Variants in ADAMTSL1 observed in about 807,000 individuals in gnomAD.
ADAMTSL1 encodes the protein ADAMTS like 1, also known as ADAMTS-like protein 1.
A neutral mutation model predicts 201.8 loss-of-function variants in ADAMTSL1; 126 were observed. The observed-to-expected ratio is 0.62, with a 90% confidence interval of 0.54 to 0.72. The LOEUF (loss-of-function observed/expected upper bound fraction) is 0.72. Among genes scored for constraint, ADAMTSL1 ranks in the 30% least tolerant of loss-of-function variants. The pLI, the probability that ADAMTSL1 is intolerant of heterozygous loss-of-function variation, is 0.00. For synonymous variants in ADAMTSL1, 1,121 were observed against 903.4 expected, an observed-to-expected ratio of 1.24 and a Z score of -4.32; for missense variants, 2,679 against 2,277.8, an observed-to-expected ratio of 1.18 and a Z score of -3.59.
At chr9:18,212,128 G>A (rs1368649541) in intron 2 of ADAMTSL1, among the ~76,000 whole-genome samples, 1 of 152,152 alleles carries the variant, frequency 6.6e-6, no homozygotes, top group Non-Finnish European at 1.5e-5. Flanking sequence ...CAAGGTGTGT[G>A]TATTAACGTG....
intron 20 of ADAMTSL1, among the ~76,000 whole-genome samples, chr9:18,803,824 A>AT (rs1420633821): frequency 3.3e-5 from 5 of 152,200 alleles, no homozygotes; most frequent in African/African-American, 1.2e-4. Context: ...ATCTGCTCAT[A>AT]TATTACACCT....
At chr9:18,003,240 G>C (rs1048363899) in intron 1 of ADAMTSL1, among the ~76,000 whole-genome samples, 1 of 151,902 alleles carries the variant, frequency 6.6e-6, no homozygotes, top group Non-Finnish European at 1.5e-5. Flanking sequence ...TTTGACCTGC[G>C]TGTAGAGCTC....
intron 2 of ADAMTSL1, among the ~76,000 whole-genome samples, chr9:18,185,592 T>G (rs1473993183): frequency 6.6e-6 from 1 of 152,124 alleles, no homozygotes; most frequent in East Asian, 1.9e-4. Context: ...ACAAAGACAT[T>G]GCTACTTGAA....
At chr9:18,684,046 C>T (rs1190477042) in intron 12 of ADAMTSL1, among the ~76,000 whole-genome samples, 1 of 152,222 alleles carries the variant, frequency 6.6e-6, no homozygotes, top group Non-Finnish European at 1.5e-5. Flanking sequence ...CATCCCTCTT[C>T]ATTTTTCTCC....
chr9:18,110,160 T>C (rs1824941976), intron 1 of ADAMTSL1, among the ~76,000 whole-genome samples: 1 of 152,190 alleles, frequency 6.6e-6, no homozygotes, highest in Non-Finnish European at 1.5e-5. Context: ...TTGCATTCTC[T>C]TGGGTGCCTG....
intron 1 of ADAMTSL1, among the ~76,000 whole-genome samples, chr9:17,933,003 T>C (rs1255627517): frequency 1.3e-5 from 2 of 152,212 alleles, no homozygotes; most frequent in African/African-American, 4.8e-5. Context: ...GGTTACAAAG[T>C]GCCCAGCCTG....
At chr9:18,713,081 A>C (rs1006245842) in intron 14 of ADAMTSL1, among the ~76,000 whole-genome samples, 5 of 151,744 alleles carry the variant, frequency 3.3e-5, no homozygotes, top group African/African-American at 9.7e-5. Context: ...GCCTGCCCTA[A>C]AAGAGCTCCT....
chr9:18,414,526 A>G (rs1758615099), intron 2 of ADAMTSL1, among the ~76,000 whole-genome samples: 1 of 152,244 alleles, frequency 6.6e-6, no homozygotes, highest in Non-Finnish European at 1.5e-5. Context: ...AATGGTTTTT[A>G]AGAAACCGGA....
At chr9:18,425,871 A>AC (rs1309003208) in intron 2 of ADAMTSL1, among the ~76,000 whole-genome samples, 2 of 151,316 alleles carry the variant, frequency 1.3e-5, no homozygotes, top group African/African-American at 2.4e-5. Flanking sequence ...AAAAAAAAAA[A>AC]AAAAAAAGAC....
chr9:18,719,823 T>C (rs2133413416), intron 14 of ADAMTSL1, among the ~76,000 whole-genome samples: 1 of 152,330 alleles, frequency 6.6e-6, no homozygotes, highest in Non-Finnish European at 1.5e-5. Flanking sequence ...ATTGAGCTGA[T>C]GACTTCTTGG....
intron 28 of ADAMTSL1, chr9:18,907,774 A>G (rs1830398175): frequency 6.5e-6 from 1 of 153,400 alleles, no homozygotes; most frequent in Non-Finnish European, 1.5e-5. Flanking sequence ...AGAGAGCGCC[A>G]ATATTCAACG....
intron 4 of ADAMTSL1, among the ~76,000 whole-genome samples, chr9:18,593,331 TTTTA>T (rs1824047038): frequency 6.6e-6 from 1 of 152,138 alleles, no homozygotes; most frequent in South Asian, 2.1e-4. Flanking sequence ...CCCCATTCAA[TTTTA>T]TTTGTCTTCT....
chr9:18,786,835 A>G (rs556777135), intron 19 of ADAMTSL1, among the ~76,000 whole-genome samples: 1 of 152,326 alleles, frequency 6.6e-6, no homozygotes, highest in South Asian at 2.1e-4. Context: ...AGCTGATAGG[A>G]AAGTGAAATC....
intron 2 of ADAMTSL1, among the ~76,000 whole-genome samples, chr9:18,527,300 G>T (rs777343810): frequency 6.6e-6 from 1 of 152,168 alleles, no homozygotes; most frequent in Non-Finnish European, 1.5e-5. Flanking sequence ...GGTGCCATGA[G>T]CCTAATATAA....
intron 4 of ADAMTSL1, among the ~76,000 whole-genome samples, chr9:18,586,856 T>C (rs1032177097): frequency 6.6e-6 from 1 of 152,154 alleles, no homozygotes; most frequent in Admixed American, 6.5e-5. Flanking sequence ...AAGGACTCCC[T>C]ATTCAATAAA....
intron 4 of ADAMTSL1, among the ~76,000 whole-genome samples, chr9:18,599,943 G>A (rs1259383938): frequency 8.2e-5 from 11 of 133,722 alleles, no homozygotes; most frequent in African/African-American, 3.1e-4. Flanking sequence ...AGAAGGTCAG[G>A]AAATCGAGAT....
At chr9:18,504,656 C>G (rs151197424) in intron 1 of ADAMTSL1, among the ~76,000 whole-genome samples, 173 bp from the exon 2 acceptor site, 1 of 152,190 alleles carries the variant, frequency 6.6e-6, no homozygotes, top group Non-Finnish European at 1.5e-5. Context: ...AATATCCCTC[C>G]CCCTGAACAT....
chr9:18,418,452 G>C (rs149759253), intron 2 of ADAMTSL1, among the ~76,000 whole-genome samples: 2 of 152,148 alleles, frequency 1.3e-5, no homozygotes, highest in Non-Finnish European at 2.9e-5. Flanking sequence ...AGTTTTGATT[G>C]TCTATGTAGA....
chr9:17,918,476 T>A (rs1345028737), intron 1 of ADAMTSL1, among the ~76,000 whole-genome samples: 1 of 151,892 alleles, frequency 6.6e-6, no homozygotes, highest in African/African-American at 2.4e-5. Context: ...CTAGTTTAAT[T>A]GCAGTGTGAT....
Sources: gnomAD v4.1 joint callset for allele counts (sites outside exome capture counted in the v4.1 genomes callset) on GRCh38, gnomAD v4.1.1 for gene constraint, MANE v1.5 for transcripts, NCBI Gene and HGNC (gene_info 2026-07-23, HGNC 2026-07-21) for gene names.